BNC2: variants seen among roughly 807,000 people sequenced by gnomAD.
The protein encoded by BNC2 is basonuclin zinc finger protein 2.
A neutral mutation model predicts 76.3 loss-of-function variants in BNC2; 20 were observed. That is an observed-to-expected ratio of 0.26 (90% CI 0.18 to 0.38). The LOEUF (loss-of-function observed/expected upper bound fraction) is 0.38, where lower values mean the gene tolerates loss of function less well. Ranked by LOEUF, BNC2 falls within the 10% of genes least tolerant of loss-of-function variation. The pLI is 1.00. For missense variants in BNC2, 1,382 were observed against 1,399.8 expected (o/e 0.99, Z 0.20); for synonymous variants, 582 against 514.8 (o/e 1.13, Z -1.77).
intron 1 of BNC2, among the ~76,000 whole-genome samples, chr9:16,826,163 G>C (rs548366078): frequency 6.6e-6 from 1 of 152,082 alleles, no homozygotes; most frequent in East Asian, 1.9e-4. Flanking sequence ...TTAAAAGCTA[G>C]TCACTGGTGA....
intron 2 of BNC2, among the ~76,000 whole-genome samples, chr9:16,736,556 A>G (rs951138410): frequency 2.6e-5 from 4 of 151,072 alleles, no homozygotes; most frequent in African/African-American, 9.7e-5. Flanking sequence ...GCTCACTGCA[A>G]TCTCCGCCTC....
chr9:16,575,515 A>G (rs1480278302), intron 4 of BNC2: 3 of 861,084 alleles, frequency 3.5e-6, no homozygotes, highest in Non-Finnish European at 4.2e-6. Flanking sequence ...AGTGCAAAGC[A>G]CCATCCAAAA....
At chr9:16,559,183 T>A (rs974082405) in intron 4 of BNC2, among the ~76,000 whole-genome samples, 14 of 152,196 alleles carry the variant, frequency 9.2e-5, no homozygotes, top group Non-Finnish European at 1.9e-4. Context: ...TCAGGCATCA[T>A]TCTAGAGCAA....
At chr9:16,817,214 T>A (rs760683387) in intron 1 of BNC2, among the ~76,000 whole-genome samples, 1 of 152,260 alleles carries the variant, frequency 6.6e-6, no homozygotes, top group South Asian at 2.1e-4. Context: ...AAGAGACTGG[T>A]GTAGATTTGT....
Position 16,738,425 on chromosome 9 carries a change from T to C in BNC2, c.64A>G (p.Ser22Gly), listed in dbSNP as rs79395563. ...AAATATGCTGGCCAGTCTTGCTCAC[T>C]AAGCCTGTCCTCTGATTTGTAATTA... is the stretch of plus-strand genomic sequence containing the variant. ...SLNYKSEDRL[S>G]EQDWPAYFKV... The change falls in exon 2 of 7, where the codon AGT (serine) becomes GGT (glycine). Residue 22 changes from serine to glycine, a missense_variant. Ser to Gly is a moderately conservative substitution (Grantham distance 56). This residue lies in a region of BNC2 where 557 missense variants were observed against 540.9 expected (regional missense o/e 1.03). Coordinates refer to ENST00000380672, the MANE Select transcript of BNC2 (RefSeq NM_017637.6). 123 of 1,614,104 alleles carry C rather than the reference T, an allele frequency of 7.6e-5. 1 individual carries two copies. The African/African-American group carries it at 1.5e-3, about 19-fold the overall frequency.
rs750931755 is a variant in BNC2, at chr9:16,552,755, C to T, written c.444G>A (p.Lys148=). ...GGTGGTACAGGTGCTGCGTGCTGAGCTTATCCAAGGCTGTGGTGGTCCCGC... is the reference window on the plus strand; with the variant it reads ...GGTGGTACAGGTGCTGCGTGCTGAGTTTATCCAAGGCTGTGGTGGTCCCGC... The part of the protein sequence containing the change: ...KHGWVAHALD[K]LSTQHLYHPT... The change falls in exon 5 of 7, where the codon AAG becomes AAA. Residue 148 remains lysine (K), a synonymous_variant. Transcript: ENST00000380672. 9 of 1,614,066 alleles carry T rather than the reference C, an allele frequency of 5.6e-6. No individual in the cohort carries two copies. Among genetic ancestry groups the T allele is most frequent in the Non-Finnish European group, 6.8e-6 (8 of 1,179,994 alleles).
intron 3 of BNC2, among the ~76,000 whole-genome samples, chr9:16,652,105 G>A (rs903528072): frequency 2.6e-5 from 4 of 152,154 alleles, no homozygotes; most frequent in African/African-American, 7.2e-5. Context: ...CCCAAAGGCA[G>A]ACTTGTTCAG....
At chr9:16,451,190 C>T (rs1185273141) in intron 5 of BNC2, among the ~76,000 whole-genome samples, 1 of 152,034 alleles carries the variant, frequency 6.6e-6, no homozygotes, top group Non-Finnish European at 1.5e-5. Context: ...ATGGTGCCAC[C>T]TCAAAGAAGG....
intron 6 of BNC2, among the ~76,000 whole-genome samples, chr9:16,421,472 C>A (rs1820709410): frequency 1.3e-5 from 2 of 152,092 alleles, no homozygotes; most frequent in South Asian, 4.1e-4. Flanking sequence ...AGCGATCATC[C>A]CATACGCTGT....
intron 3 of BNC2, among the ~76,000 whole-genome samples, chr9:16,635,254 C>T (rs1821288703): frequency 6.6e-6 from 1 of 152,094 alleles, no homozygotes; most frequent in South Asian, 2.1e-4. Flanking sequence ...TTTAAAAGCA[C>T]CATCAGAAAT....
chr9:16,702,317 A>G (rs1423111069), intron 3 of BNC2, among the ~76,000 whole-genome samples: 1 of 152,198 alleles, frequency 6.6e-6, no homozygotes. Flanking sequence ...GCTAATGACT[A>G]TAAGGCAGGA....
rs59888253 is a variant in BNC2, at chr9:16,732,162, A to AAAAAAAAG, written c.130-4166_130-4165insCTTTTTTT. On this transcript the variant is annotated intron_variant, in intron 2 of 6. Transcript: ENST00000380672. Reference sequence around the variant, plus strand: ...GTTTTTCCCTCCATTTCCTGCAAAAAAAAAAGAAAAAGAAACAAAAAAGAA... The same window carrying AAAAAAAAG: ...GTTTTTCCCTCCATTTCCTGCAAAAAAAAAAAAGAAAAAGAAAAAGAAACAAAAAAGAA... 2.3e-4 allele frequency among the ~76,000 whole-genome samples: 29 copies of AAAAAAAAG among 123,592 alleles called. 1 individual carries two copies. Among genetic ancestry groups the AAAAAAAAG allele is most frequent in the Non-Finnish European group, 4.1e-4 (24 of 58,678 alleles). 81.1% of individuals were successfully genotyped at this position (123,592 alleles called of 152,430 possible).
intron 5 of BNC2, among the ~76,000 whole-genome samples, chr9:16,469,980 G>A (rs1291209405): frequency 6.6e-6 from 1 of 150,510 alleles, no homozygotes; most frequent in African/African-American, 2.5e-5. Context: ...CTTGCATGCT[G>A]CTAATGGCAT....
intron 1 of BNC2, among the ~76,000 whole-genome samples, chr9:16,754,531 G>C (rs568729600): frequency 1.4e-4 from 21 of 151,458 alleles, no homozygotes; most frequent in Middle Eastern, 3.4e-3. Context: ...TCCAATTATA[G>C]GTTCAGTTAT....
chr9:16,631,020 T>C (rs1587254414), intron 3 of BNC2, among the ~76,000 whole-genome samples: 2 of 152,148 alleles, frequency 1.3e-5, no homozygotes, highest in South Asian at 2.1e-4. Flanking sequence ...ATTATAGGCA[T>C]GAGCCACCAT....
chr9:16,809,241 A>C (rs1221485433), intron 1 of BNC2, among the ~76,000 whole-genome samples: 2 of 152,152 alleles, frequency 1.3e-5, no homozygotes, highest in Non-Finnish European at 2.9e-5. Flanking sequence ...ATAAGAGCCA[A>C]AAACAAGCCC....
At chr9:16,459,159 G>A (rs1821519312) in intron 5 of BNC2, among the ~76,000 whole-genome samples, 3 of 152,142 alleles carry the variant, frequency 2.0e-5, no homozygotes, top group African/African-American at 4.8e-5. Flanking sequence ...TCTCCCTTAG[G>A]ATGAGTCAGA....
At chr9:16,598,056 A>C (rs1820143996) in intron 3 of BNC2, among the ~76,000 whole-genome samples, 1 of 152,164 alleles carries the variant, frequency 6.6e-6, no homozygotes, top group Non-Finnish European at 1.5e-5. Context: ...TGTAATATTC[A>C]TAATAGTAGC....
chr9:16,610,278 C>G (rs1820506863), intron 3 of BNC2, among the ~76,000 whole-genome samples: 1 of 151,996 alleles, frequency 6.6e-6, no homozygotes, highest in Non-Finnish European at 1.5e-5. Flanking sequence ...TTTGGGAGCC[C>G]CCTTTGCTCA....
Sources: gnomAD v4.1 joint callset for allele counts (sites outside exome capture counted in the v4.1 genomes callset) on GRCh38, gnomAD v4.1.1 for gene constraint, gnomAD v4.1.1 regional missense constraint, MANE v1.5 for transcripts, NCBI Gene and HGNC (gene_info 2026-07-23, HGNC 2026-07-21) for gene names.